Variants in DLG2 observed in about 807,000 individuals in gnomAD.
DLG2 encodes disks large homolog 2.
In DLG2, 45 loss-of-function variants were observed where a neutral mutation model predicts 132.5. The ratio of observed to expected loss-of-function variants is 0.34; its 90% CI spans 0.27 to 0.44. The LOEUF (loss-of-function observed/expected upper bound fraction) is 0.44, where lower values mean the gene tolerates loss of function less well. DLG2 is among the 20% of genes least tolerant of loss of function. The pLI, the probability that DLG2 is intolerant of heterozygous loss-of-function variation, is 1.00. For synonymous variants in DLG2, 424 were observed against 419.6 expected (o/e 1.01, Z -0.13); for missense variants, 1,045 against 1,196.9 (o/e 0.87, Z 1.87).
Position 84,729,443 on chromosome 11 carries a change from CTGTT to C in DLG2, c.358-194716_358-194713del, listed in dbSNP as rs1386660814. On this transcript the variant is annotated intron_variant, in intron 6 of 27. Coordinates refer to ENST00000376104, the MANE Select transcript of DLG2 (RefSeq NM_001142699.3). ...TTTGATTGCACTGTGGTCCGAGAGA[CTGTT>C]TGTTATGATTTCCGTTCTTTTGCAT... Among the ~76,000 whole-genome samples, 6 of 152,028 alleles carry C rather than the reference CTGTT, an allele frequency of 3.9e-5. No homozygotes were observed. The East Asian group carries it at 7.7e-4, about 20-fold the overall frequency.
chr11:84,113,419 T>C (rs1041361780), intron 9 of DLG2, among the ~76,000 whole-genome samples: 1 of 152,200 alleles, frequency 6.6e-6, no homozygotes, highest in African/African-American at 2.4e-5. Flanking sequence ...AAACTGGTTA[T>C]TCAGTTTCGG....
intron 3 of DLG2, among the ~76,000 whole-genome samples, chr11:85,351,459 T>C (rs973760940): frequency 6.6e-6 from 1 of 152,028 alleles, no homozygotes; most frequent in Non-Finnish European, 1.5e-5. Context: ...TGAATAGGAG[T>C]GGTGAGAGAG....
intron 6 of DLG2, among the ~76,000 whole-genome samples, chr11:84,709,503 T>C (rs1275477024): frequency 1.3e-5 from 2 of 151,958 alleles, no homozygotes; most frequent in Admixed American, 1.3e-4. Flanking sequence ...AAATATATCT[T>C]ATCTATGTCA....
At chr11:85,009,372 T>C (rs2058960090) in intron 6 of DLG2, among the ~76,000 whole-genome samples, 1 of 152,144 alleles carries the variant, frequency 6.6e-6, no homozygotes, top group African/African-American at 2.4e-5. Context: ...TTGATTGAGC[T>C]GCTAAAACAA....
chr11:84,361,420 T>C (rs1172455955), intron 7 of DLG2, among the ~76,000 whole-genome samples: 5 of 151,954 alleles, frequency 3.3e-5, no homozygotes, highest in Non-Finnish European at 7.4e-5. Flanking sequence ...CATATGGCAG[T>C]GACATCTTTA....
chr11:83,819,940 CAAT>C (rs577133540), intron 17 of DLG2, among the ~76,000 whole-genome samples: 85 of 144,170 alleles, frequency 5.9e-4, no homozygotes, highest in African/African-American at 2.2e-3. Flanking sequence ...AGGACCCTCA[CAAT>C]AATAATAATA....
intron 18 of DLG2, among the ~76,000 whole-genome samples, chr11:83,745,100 TC>T (rs963185535): frequency 3.3e-5 from 5 of 152,288 alleles, no homozygotes; most frequent in African/African-American, 1.2e-4. Flanking sequence ...CATGATTGGT[TC>T]CCATGCATCG....
chr11:84,673,563 A>C (rs1397403291), intron 6 of DLG2, among the ~76,000 whole-genome samples: 1 of 151,294 alleles, frequency 6.6e-6, no homozygotes, highest in Non-Finnish European at 1.5e-5. Context: ...AAAGTTAAAA[A>C]CAAGTCTACA....
At chr11:83,621,422 C>T (rs1367244598) in intron 19 of DLG2, among the ~76,000 whole-genome samples, 1 of 152,082 alleles carries the variant, frequency 6.6e-6, no homozygotes, top group Non-Finnish European at 1.5e-5. Context: ...TTCTTTAAAA[C>T]TTAGGCCTGA....
chr11:85,471,537 G>A (rs1018392500), intron 3 of DLG2, among the ~76,000 whole-genome samples: 1 of 152,120 alleles, frequency 6.6e-6, no homozygotes, highest in Non-Finnish European at 1.5e-5. Flanking sequence ...AATTTAAAGA[G>A]AATCAAACAT....
At chr11:83,723,460 C>T (rs375644103) in intron 18 of DLG2, among the ~76,000 whole-genome samples, 1 of 152,124 alleles carries the variant, frequency 6.6e-6, no homozygotes, top group African/African-American at 2.4e-5. Context: ...GGCCAACTGC[C>T]TAGCTCCATA....
At chr11:84,989,414 G>C (rs1166186981) in intron 6 of DLG2, among the ~76,000 whole-genome samples, 1 of 152,048 alleles carries the variant, frequency 6.6e-6, no homozygotes, top group Non-Finnish European at 1.5e-5. Context: ...GACCTCAGGC[G>C]ATCCACCCAC....
chr11:85,107,734 T>C (rs188017382), intron 6 of DLG2, among the ~76,000 whole-genome samples: 1 of 151,974 alleles, frequency 6.6e-6, no homozygotes, highest in Non-Finnish European at 1.5e-5. Context: ...TAAGGAAGGC[T>C]ATCATTCTAG....
rs1036090948 is a variant in DLG2 at position 83,751,374 on chromosome 11, A to G, written c.1825+35316T>C. ...AATATATAGGAGCTTAGAGGTCAAT[A>G]TTAAGGACTTTGGCTTTTGCTCTGG... On this transcript the variant is annotated intron_variant, in intron 18 of 27. Transcript: ENST00000376104. Among the ~76,000 whole-genome samples the G allele has an allele frequency of 2.6e-5, 4 of 152,278 alleles. No individual in the cohort carries two copies. In the South Asian group the frequency reaches 8.3e-4, roughly 32 times the overall value.
chr11:84,526,492 A>C (rs2099320882), intron 7 of DLG2, among the ~76,000 whole-genome samples: 1 of 152,220 alleles, frequency 6.6e-6, no homozygotes, highest in Non-Finnish European at 1.5e-5. Context: ...TCCTGATCTT[A>C]GGTTGCACTT....
At chr11:84,198,533 A>G (rs559415891) in intron 8 of DLG2, among the ~76,000 whole-genome samples, 1 of 152,206 alleles carries the variant, frequency 6.6e-6, no homozygotes, top group Non-Finnish European at 1.5e-5. Flanking sequence ...ACAATGTTAT[A>G]TTTACCAGGT....
chr11:84,055,818 T>C (rs938542463), intron 11 of DLG2, among the ~76,000 whole-genome samples: 1 of 152,134 alleles, frequency 6.6e-6, no homozygotes. Context: ...CAGGCTATCA[T>C]CTCCTTGAGA....
intron 6 of DLG2, among the ~76,000 whole-genome samples, chr11:85,025,602 T>C (rs1198452842): frequency 1.3e-5 from 2 of 152,218 alleles, no homozygotes; most frequent in Admixed American, 6.5e-5. Context: ...ATTTAATATA[T>C]ACAGTTAATG....
intron 3 of DLG2, among the ~76,000 whole-genome samples, chr11:85,533,880 G>T (rs1354859215): frequency 6.6e-6 from 1 of 152,204 alleles, no homozygotes; most frequent in African/African-American, 2.4e-5. Flanking sequence ...AATAAGATTA[G>T]CTAAGAAGGC....
Sources: allele counts gnomAD v4.1 joint callset (sites outside exome capture counted in the v4.1 genomes callset), GRCh38; gene constraint gnomAD v4.1.1; transcripts MANE v1.5; gene names NCBI Gene and HGNC (gene_info 2026-07-23, HGNC 2026-07-21).